Variants in SLC36A4 observed in about 807,000 individuals in gnomAD.
SLC36A4 encodes neutral amino acid uniporter 4.
Under a neutral mutation model 50.5 loss-of-function variants are expected in SLC36A4, and 49 were observed. That is an observed-to-expected ratio of 0.97 (90% confidence interval 0.77 to 1.23). SLC36A4 has a LOEUF of 1.23. Ranked by LOEUF, SLC36A4 falls within the 50% of genes most tolerant of loss-of-function variation. The probability of loss-of-function intolerance (pLI) is 0.00; values close to 1 mark genes in which losing one functional copy is unlikely to be tolerated. For synonymous variants in SLC36A4, 207 were observed against 206.5 expected, an observed-to-expected ratio of 1.00 and a Z score of -0.02; for missense variants, 611 against 608.4, an observed-to-expected ratio of 1.00 and a Z score of -0.05.
chr11:93,151,556 T>G (rs893622655), intron 10 of SLC36A4, among the ~76,000 whole-genome samples: 5 of 152,034 alleles, frequency 3.3e-5, no homozygotes, highest in African/African-American at 1.2e-4. Flanking sequence ...ACATACCGAC[T>G]CTAAGACAGG....
At chr11:93,179,855 T>C (rs1217463783) in intron 6 of SLC36A4, among the ~76,000 whole-genome samples, 2 of 152,164 alleles carry the variant, frequency 1.3e-5, no homozygotes, top group African/African-American at 4.8e-5. Flanking sequence ...AACTCAGTAG[T>C]TACAACAGAG....
intron 7 of SLC36A4, chr11:93,167,112 G>A (rs577382467): frequency 1.3e-5 from 2 of 152,150 alleles, no homozygotes; most frequent in African/African-American, 2.4e-5. Flanking sequence ...CTCCCACTCA[G>A]TGCTATAAGA....
At chr11:93,180,912 A>G in intron 5 of SLC36A4, 31 bp from the exon 6 acceptor site, 1 of 1,379,680 alleles carries the variant, frequency 7.2e-7, no homozygotes, top group Non-Finnish European at 1.0e-6. Context: ...ATGAGTATCC[A>G]GGAGAGCTAC....
chr11:93,159,537 C>G (rs552164973), intron 9 of SLC36A4, among the ~76,000 whole-genome samples: 2 of 152,240 alleles, frequency 1.3e-5, no homozygotes, highest in South Asian at 4.1e-4. Context: ...GAGGATTTAG[C>G]TCTGTCAAGA....
rs552001567 is a variant in SLC36A4 at position 93,194,133 on chromosome 11, A to G, written c.55+3645T>C. Reference sequence around the variant, plus strand: ...TAAGTAGAAATAAGGGGAAGTAAATATATCAAAATGTGAGCAAGTTTACCA... The same window carrying G: ...TAAGTAGAAATAAGGGGAAGTAAATGTATCAAAATGTGAGCAAGTTTACCA... On this transcript the variant is annotated intron_variant, in intron 1 of 10. Coordinates refer to ENST00000326402, the MANE Select transcript of SLC36A4 (RefSeq NM_152313.4). Among the ~76,000 whole-genome samples the G allele has an allele frequency of 3.9e-5, 6 of 152,286 alleles. No homozygotes were observed. The East Asian group carries it at 5.8e-4, about 15-fold the overall frequency.
intron 2 of SLC36A4, chr11:93,185,351 C>A: frequency 5.7e-6 from 1 of 176,378 alleles, no homozygotes; most frequent in South Asian, 2.0e-4. Context: ...AGTTACAATG[C>A]ATTTCTACCT....
At chr11:93,152,625 A>G (rs1488367089) in intron 10 of SLC36A4, 1 of 152,124 alleles carries the variant, frequency 6.6e-6, no homozygotes, top group East Asian at 1.9e-4. Context: ...ATGGAAGCAG[A>G]TGTGGCGTGG....
intron 7 of SLC36A4, chr11:93,166,480 A>G (rs1860873218): frequency 1.1e-6 from 1 of 901,512 alleles, no homozygotes; most frequent in African/African-American, 1.8e-5. Flanking sequence ...TTTCTACCTT[A>G]TAGCTCTGCT....
At chr11:93,152,260 C>T (rs1032264498) in intron 10 of SLC36A4, 12 of 152,136 alleles carry the variant, frequency 7.9e-5, no homozygotes, top group Non-Finnish European at 1.5e-4. Context: ...ACAAACATGA[C>T]AAAGTCCCAT....
At chr11:93,197,473 A>G in intron 1 of SLC36A4, 1 of 469,836 alleles carries the variant, frequency 2.1e-6, no homozygotes, top group Non-Finnish European at 3.8e-6. Flanking sequence ...GTCACGGCGC[A>G]GGCTCTTGCG....
At chr11:93,181,597 T>G in intron 5 of SLC36A4, 94 bp downstream of exon 5, 3 of 953,228 alleles carry the variant, frequency 3.1e-6, no homozygotes, top group Non-Finnish European at 4.2e-6. Flanking sequence ...TCCCCAACTT[T>G]ATCATATTTT....
rs766414074 is a variant in SLC36A4, at chr11:93,148,838, C to G, written c.1214G>C (p.Gly405Ala). 2.8e-5 allele frequency: 44 copies of G among 1,599,254 alleles called. No homozygotes were observed. In the South Asian group the frequency reaches 3.4e-4, roughly 12 times the overall value. Residue 405 changes from glycine to alanine, a missense_variant, in exon 11 of 11, where the codon GGA becomes GCA. Gly to Ala is a moderately conservative substitution (Grantham distance 60, BLOSUM62 0). Transcript: ENST00000326402. ...GTCTAAACGAGGAATAAGAATTGCT[C>G]CGGCACCTAGAAAATGAAAATACAT... ...RSFLVSITCA[G>A]AILIPRLDIV... is the part of the protein sequence containing the mutation.
At chr11:93,160,295 A>G in intron 9 of SLC36A4, 2 of 985,436 alleles carry the variant, frequency 2.0e-6, no homozygotes, top group Non-Finnish European at 2.4e-6. Flanking sequence ...CTAAAGGGAA[A>G]TATGTGTCTT....
At chr11:93,153,262 T>C (rs912189921) in intron 10 of SLC36A4, among the ~76,000 whole-genome samples, 2 of 152,106 alleles carry the variant, frequency 1.3e-5, no homozygotes, top group Non-Finnish European at 2.9e-5. Context: ...ATCTGGTCCC[T>C]GGTATCATTT....
chr11:93,186,567 G>C (rs942249122), intron 1 of SLC36A4, among the ~76,000 whole-genome samples: 1 of 151,874 alleles, frequency 6.6e-6, no homozygotes, highest in Admixed American at 6.6e-5. Context: ...GGTACTCTCT[G>C]ACTTCTACCT....
rs1859822981 is a variant in SLC36A4 at position 93,145,158 on chromosome 11, T to C, written c.*3379A>G. 1 of 152,022 alleles carries C rather than the reference T, an allele frequency of 6.6e-6. No homozygotes were observed. Among genetic ancestry groups the C allele is most frequent in the Non-Finnish European group, 1.5e-5 (1 of 67,964 alleles). 9.4% of individuals were successfully genotyped at this position (152,022 alleles called of 1,614,324 possible). Reference sequence around the variant, plus strand: ...TAGAAATGGCACTAATACTTTAATATTTCAAGTAATATTTTATAGTATTTT... The same window carrying C: ...TAGAAATGGCACTAATACTTTAATACTTCAAGTAATATTTTATAGTATTTT... On this transcript the variant is annotated 3_prime_UTR_variant, in exon 11 of 11. Coordinates refer to ENST00000326402, the MANE Select transcript of SLC36A4 (RefSeq NM_152313.4).
At chr11:93,180,755 TTTAG>T in intron 6 of SLC36A4, 38 bp downstream of exon 6, 1 of 1,400,286 alleles carries the variant, frequency 7.1e-7, no homozygotes, top group East Asian at 2.3e-5. Flanking sequence ...TAACTAGGGC[TTTAG>T]AAGAAAATGA....
At chr11:93,183,855 G>C (rs967246375) in intron 3 of SLC36A4, among the ~76,000 whole-genome samples, 17 of 151,934 alleles carry the variant, frequency 1.1e-4, no homozygotes, top group Admixed American at 2.6e-4. Context: ...CCGCCACCAC[G>C]CCCGGCTAAT....
Position 93,190,259 on chromosome 11 carries a change from C to CA in SLC36A4, c.56-4446dup, listed in dbSNP as rs1307882900. On this transcript the variant is annotated intron_variant, in intron 1 of 10. Coordinates refer to ENST00000326402, the MANE Select transcript of SLC36A4 (RefSeq NM_152313.4). ...ACAAAAATTTAATTATTCCTGGGTA[C>CA]AAAAAATACAGATAGGTAGGAGGAA... Among the ~76,000 whole-genome samples the CA allele has an allele frequency of 1.4e-4, 22 of 151,840 alleles. 1 individual carries two copies. Among genetic ancestry groups the CA allele is most frequent in the Admixed American group, 3.3e-4 (5 of 15,234 alleles).
Sources: allele counts gnomAD v4.1 joint callset (sites outside exome capture counted in the v4.1 genomes callset), GRCh38; gene constraint gnomAD v4.1.1; transcripts MANE v1.5; gene names NCBI Gene and HGNC (gene_info 2026-07-23, HGNC 2026-07-21).